ZNF292: variants seen among roughly 807,000 people sequenced by gnomAD.
The protein encoded by ZNF292 is zinc finger protein 292.
ZNF292 carries 26 observed loss-of-function variants against 217.9 expected under a neutral mutation model. That is an observed-to-expected ratio of 0.12 (90% confidence interval 0.09 to 0.17). The LOEUF is 0.17. Ranked by LOEUF, ZNF292 falls within the 10% of genes least tolerant of loss-of-function variation. The pLI is 1.00. For synonymous variants in ZNF292, 1,257 were observed against 1,124.1 expected, an observed-to-expected ratio of 1.12 and a Z score of -2.37; for missense variants, 2,904 against 3,175.2, an observed-to-expected ratio of 0.91 and a Z score of 2.05.
At chr6:87,187,081 C>T (rs1044900187) in intron 1 of ZNF292, among the ~76,000 whole-genome samples, 2 of 152,134 alleles carry the variant, frequency 1.3e-5, no homozygotes, top group Admixed American at 1.3e-4. Context: ...ATTTTTTCCT[C>T]ACTTCAGTGA....
At chr6:87,203,132 C>G (rs530595316) in intron 1 of ZNF292, among the ~76,000 whole-genome samples, 82 of 114,156 alleles carry the variant, frequency 7.2e-4, no homozygotes, top group African/African-American at 2.9e-3. Context: ...AATATATTTT[C>G]CTTTTTTTTT....
rs1209672952 is a variant in ZNF292, at chr6:87,215,977, T to C, written c.243T>C (p.Ala81=). 1 of 1,591,410 alleles carries C rather than the reference T, an allele frequency of 6.3e-7. No homozygotes were observed. The highest frequency in any genetic ancestry group is 8.5e-7 in the Non-Finnish European group (1 of 1,173,960). The change falls in exon 2 of 8, where the codon GCT becomes GCC. Residue 81 remains alanine, a synonymous_variant. Transcript: ENST00000369577. Reference sequence around the variant, plus strand: ...CTTTATTGGAGGTATACACAGTGGCTATCCAAAGTTATGTTAAAGCCCGAC... The same window carrying C: ...CTTTATTGGAGGTATACACAGTGGCCATCCAAAGTTATGTTAAAGCCCGAC... ...PLPLLEVYTV[A]IQSYVKARPY...
chr6:87,165,872 C>G (rs1206929540), intron 1 of ZNF292, among the ~76,000 whole-genome samples: 1 of 151,972 alleles, frequency 6.6e-6, no homozygotes, highest in African/African-American at 2.4e-5. Context: ...ATTCTCCCGC[C>G]TCAGCTTCCC....
At chr6:87,191,844 T>G (rs1315320971) in intron 1 of ZNF292, among the ~76,000 whole-genome samples, 1 of 152,114 alleles carries the variant, frequency 6.6e-6, no homozygotes, top group Non-Finnish European at 1.5e-5. Flanking sequence ...TGTATTTTAG[T>G]AGAGACAGAG....
Position 87,197,722 on chromosome 6 carries a change from C to CAAA in ZNF292, c.169-18160_169-18158dup, listed in dbSNP as rs11312557. On this transcript the variant is annotated intron_variant, in intron 1 of 7. Coordinates refer to ENST00000369577, the MANE Select transcript of ZNF292 (RefSeq NM_015021.3). ...AGCAACAGAGTGAGACTCGCTGTTTCAAAAAAAAAAAAAAAAAAAAAAAGC... is the reference window on the plus strand; with the variant it reads ...AGCAACAGAGTGAGACTCGCTGTTTCAAAAAAAAAAAAAAAAAAAAAAAAAAGC... Among the ~76,000 whole-genome samples the CAAA allele has an allele frequency of 3.1e-3, 238 of 77,342 alleles. 2 individuals are homozygous for CAAA. The highest frequency in any genetic ancestry group is 0.011 in the African/African-American group (223 of 21,138). The allele number at this position is 77,342 out of a possible 152,430, so 50.7% of individuals were successfully genotyped here.
Position 87,261,579 on chromosome 6 carries a change from G to A in ZNF292, c.7950G>A (p.Thr2650=), listed in dbSNP as rs3734188. Residue 2650 remains threonine (T), a synonymous_variant, in exon 8 of 8, where the codon ACG becomes ACA. Coordinates refer to ENST00000369577, the MANE Select transcript of ZNF292 (RefSeq NM_015021.3). ...NHVCPCKESE[T]FVQFANPSQL... ...TATGTCCTTGTAAAGAAAGCGAAACGTTTGTACAGTTTGCCAATCCATCAC... is the reference window on the plus strand; with the variant it reads ...TATGTCCTTGTAAAGAAAGCGAAACATTTGTACAGTTTGCCAATCCATCAC... 2.2e-4 allele frequency: 352 copies of A among 1,610,738 alleles called. 3 individuals carry two copies. The East Asian group carries it at 5.8e-3, about 26-fold the overall frequency.
chr6:87,172,613 G>C (rs1158485808), intron 1 of ZNF292, among the ~76,000 whole-genome samples: 1 of 152,026 alleles, frequency 6.6e-6, no homozygotes, highest in African/African-American at 2.4e-5. Context: ...TCTAAATGCA[G>C]AATAACATAG....
At position 87,264,421 on chromosome 6, in the gene ZNF292, T is replaced by A. The variant is rs943223476; in HGVS notation, c.*2620T>A. 6.6e-6 allele frequency among the ~76,000 whole-genome samples: 1 copy of A among 152,220 alleles called. No homozygotes were observed. Among genetic ancestry groups the A allele is most frequent in the African/African-American group, 2.4e-5 (1 of 41,450 alleles). On this transcript the variant is annotated 3_prime_UTR_variant, in exon 8 of 8. Coordinates refer to ENST00000369577, the MANE Select transcript of ZNF292 (RefSeq NM_015021.3). ...TAGGTACATTATTATTTTAAAGGGC[T>A]AGACATATTTTTAAGGCAAATTTTT...
At chr6:87,173,535 C>T (rs2127774318) in intron 1 of ZNF292, 1 of 159,338 alleles carries the variant, frequency 6.3e-6, no homozygotes, top group African/African-American at 2.4e-5. Context: ...TCCTTTGGCT[C>T]ATCTTCCCAG....
chr6:87,258,209 T>C lies in ZNF292; in HGVS notation c.4580T>C (p.Val1527Ala). ...GATGCATCACAAGTAAATGCAACGG[T>C]GATGCCAAATCCAACTGTACCACCC... ...VSDASQVNAT[V>A]MPNPTVPPLL... Residue 1527 changes from valine (V) to alanine (A), a missense_variant, in exon 8 of 8, where the codon GTG becomes GCG. Around this residue, in one of 15 missense-constraint regions of ZNF292, gnomAD observed 622 missense variants for 573.1 expected, o/e 1.09. Coordinates refer to ENST00000369577, the MANE Select transcript of ZNF292 (RefSeq NM_015021.3). 1 of 1,611,896 alleles carries C rather than the reference T, an allele frequency of 6.2e-7. No individual in the cohort carries two copies. Among genetic ancestry groups the C allele is most frequent in the Non-Finnish European group, 8.5e-7 (1 of 1,179,088 alleles).
intron 1 of ZNF292, among the ~76,000 whole-genome samples, chr6:87,198,203 TA>T (rs1343920089): frequency 2.6e-5 from 4 of 151,438 alleles, no homozygotes; most frequent in African/African-American, 9.7e-5. Flanking sequence ...TTTATTTATT[TA>T]TTTATTTATT....
At chr6:87,191,428 A>G (rs867076965) in intron 1 of ZNF292, among the ~76,000 whole-genome samples, 1 of 152,166 alleles carries the variant, frequency 6.6e-6, no homozygotes, top group Middle Eastern at 3.2e-3. Context: ...ATTGTTAACA[A>G]TGTTTGGTTA....
intron 5 of ZNF292, among the ~76,000 whole-genome samples, chr6:87,239,801 G>A (rs1350721552): frequency 6.6e-6 from 1 of 151,484 alleles, no homozygotes; most frequent in Non-Finnish European, 1.5e-5. Flanking sequence ...ATGGGCAGCC[G>A]AGCAGAGACG....
At chr6:87,239,001 A>T (rs1388441197) in intron 5 of ZNF292, among the ~76,000 whole-genome samples, 26 of 152,254 alleles carry the variant, frequency 1.7e-4, no homozygotes, top group Non-Finnish European at 3.1e-4. Context: ...GTTGGGGGTA[A>T]GGTCATAGAT....
intron 1 of ZNF292, among the ~76,000 whole-genome samples, chr6:87,180,802 C>T (rs534295961): frequency 1.3e-5 from 2 of 152,320 alleles, no homozygotes; most frequent in African/African-American, 4.8e-5. Flanking sequence ...CGTGGATACC[C>T]TCACTCAGCC....
intron 7 of ZNF292, among the ~76,000 whole-genome samples, chr6:87,253,727 T>C (rs7773996): frequency 3.3e-5 from 5 of 152,192 alleles, no homozygotes; most frequent in Non-Finnish European, 5.9e-5. Context: ...TCTTCTTAAC[T>C]TAATGAAAAT....
intron 1 of ZNF292, among the ~76,000 whole-genome samples, chr6:87,179,730 A>G (rs1376898841): frequency 6.6e-6 from 1 of 152,100 alleles, no homozygotes; most frequent in Non-Finnish European, 1.5e-5. Flanking sequence ...ACTTCAGTGT[A>G]CATCCTCTGT....
At chr6:87,208,563 T>G (rs1472756852) in intron 1 of ZNF292, among the ~76,000 whole-genome samples, 1 of 151,512 alleles carries the variant, frequency 6.6e-6, no homozygotes, top group African/African-American at 2.4e-5. Flanking sequence ...AAATTTTACT[T>G]TCTTCCTGCA....
In ZNF292 at chr6:87,256,110, T is replaced by C; in HGVS notation, c.2481T>C (p.His827=). The C allele has an allele frequency of 1.2e-6, 2 of 1,613,660 alleles. No homozygotes were observed. The highest frequency in any genetic ancestry group is 8.5e-7 in the Non-Finnish European group (1 of 1,179,764). Residue 827 remains histidine, a synonymous_variant, in exon 8 of 8, where the codon CAT becomes CAC. Transcript: ENST00000369577. ...GTTCTCAGGGTGAGCTGGAAAAGCATCTGGATGATCACAGTACTCCTCCTG... is the reference window on the plus strand; with the variant it reads ...GTTCTCAGGGTGAGCTGGAAAAGCACCTGGATGATCACAGTACTCCTCCTG... ...VYRSQGELEK[H]LDDHSTPPEK...
Sources: allele counts gnomAD v4.1 joint callset (sites outside exome capture counted in the v4.1 genomes callset), GRCh38; gene constraint gnomAD v4.1.1; regional missense constraint gnomAD v4.1.1; transcripts MANE v1.5; gene names NCBI Gene and HGNC (gene_info 2026-07-23, HGNC 2026-07-21).